The following PLS1 variants were observed in gnomAD, a reference collection of about 807,000 sequenced individuals.
The protein encoded by PLS1 is plastin-1.
A neutral mutation model predicts 73.7 loss-of-function variants in PLS1; 32 were observed. The ratio of observed to expected loss-of-function variants is 0.43; its 90% CI spans 0.33 to 0.58. The LOEUF is 0.58. Ranked by LOEUF, PLS1 falls within the 20% of genes least tolerant of loss-of-function variation. The probability of loss-of-function intolerance (pLI) is 0.04; values close to 1 mark genes in which losing one functional copy is unlikely to be tolerated. For missense variants in PLS1, 633 were observed against 740.5 expected, an observed-to-expected ratio of 0.85 and a Z score of 1.68; for synonymous variants, 217 against 261.3, an observed-to-expected ratio of 0.83 and a Z score of 1.63.
intron 1 of PLS1, among the ~76,000 whole-genome samples, chr3:142,603,447 T>C (rs138490643): frequency 9.3e-4 from 142 of 152,298 alleles, no homozygotes; most frequent in African/African-American, 2.9e-3. Flanking sequence ...ATAAACTAAA[T>C]TTTATGATTG....
chr3:142,705,849 T>C (rs945147885), intron 14 of PLS1, among the ~76,000 whole-genome samples: 6 of 152,220 alleles, frequency 3.9e-5, no homozygotes, highest in South Asian at 2.1e-4. Context: ...CCTAGTTCAA[T>C]TGATTTCCAC....
At chr3:142,711,181 T>G (rs1279802898) in intron 14 of PLS1, among the ~76,000 whole-genome samples, 6 of 152,172 alleles carry the variant, frequency 3.9e-5, no homozygotes, top group African/African-American at 1.2e-4. Flanking sequence ...TTTATAAAAT[T>G]GTTAATTAAA....
chr3:142,709,263 T>C (rs916956182), intron 14 of PLS1, among the ~76,000 whole-genome samples: 1 of 152,176 alleles, frequency 6.6e-6, no homozygotes, highest in Admixed American at 6.5e-5. Context: ...TTTTAACAAA[T>C]ACCCCACATG....
intron 1 of PLS1, among the ~76,000 whole-genome samples, chr3:142,649,961 G>A (rs1291534075): frequency 6.6e-6 from 1 of 152,058 alleles, no homozygotes; most frequent in Non-Finnish European, 1.5e-5. Context: ...CATCCTTTGA[G>A]GAAGTGACTT....
chr3:142,710,025 T>C (rs1275096555), intron 14 of PLS1, among the ~76,000 whole-genome samples: 2 of 151,954 alleles, frequency 1.3e-5, no homozygotes, highest in African/African-American at 2.4e-5. Flanking sequence ...TAGGAAAGGG[T>C]GCTCTGGCTT....
At chr3:142,632,193 TATACAC>T (rs1386584106) in intron 1 of PLS1, among the ~76,000 whole-genome samples, 1 of 152,084 alleles carries the variant, frequency 6.6e-6, no homozygotes, top group East Asian at 1.9e-4. Context: ...ATGCAAAAAT[TATACAC>T]ATTCAGTACA....
intron 12 of PLS1, 111 bp from the exon 13 acceptor site, chr3:142,703,757 T>C: frequency 3.2e-6 from 2 of 632,678 alleles, no homozygotes; most frequent in African/African-American, 1.8e-5. Flanking sequence ...ATTGGTCATA[T>C]AAATTTAAGG....
rs182100545 is a variant in PLS1 at position 142,706,358 on chromosome 3, A to G, written c.1629+1772A>G. ...AATGGTCAGTGAAGAGCCGATAAAG[A>G]CAGCTGGATTTGAACATCATAGATG... is the stretch of plus-strand genomic sequence containing the variant. On this transcript the variant is annotated intron_variant, in intron 14 of 15. Transcript: ENST00000457734. Among the ~76,000 whole-genome samples the G allele has an allele frequency of 2.6e-5, 4 of 152,310 alleles. No individual in the cohort carries two copies. The East Asian group carries it at 7.7e-4, about 29-fold the overall frequency.
At chr3:142,644,116 C>G (rs1310768272) in intron 1 of PLS1, among the ~76,000 whole-genome samples, 1 of 152,182 alleles carries the variant, frequency 6.6e-6, no homozygotes, top group East Asian at 1.9e-4. Context: ...GTGTGAGCCA[C>G]TGCATCTGAC....
rs569458566 is a variant in PLS1 at position 142,682,786 on chromosome 3, A to T, written c.580-1220A>T. On this transcript the variant is annotated intron_variant, in intron 6 of 15. Transcript: ENST00000457734. The stretch of plus-strand genomic sequence containing the variant: ...TAACTTAAAAAACATTTGAAGCAGG[A>T]GTGTTAATTAAAAACACCTGAAGTT... 2.0e-5 allele frequency among the ~76,000 whole-genome samples: 3 copies of T among 152,338 alleles called. No individual in the cohort carries two copies. In the South Asian group the frequency reaches 6.2e-4, roughly 32 times the overall value.
chr3:142,697,278 TG>T (rs2038229969), intron 11 of PLS1, among the ~76,000 whole-genome samples: 1 of 152,206 alleles, frequency 6.6e-6, no homozygotes, highest in Non-Finnish European at 1.5e-5. Flanking sequence ...CACAAACAGC[TG>T]CCTACTGAGT....
intron 6 of PLS1, 101 bp from the exon 7 acceptor site, chr3:142,683,905 A>G: frequency 1.3e-6 from 1 of 759,572 alleles, no homozygotes; most frequent in Non-Finnish European, 2.1e-6. Flanking sequence ...TTATGTTTAT[A>G]AATCTGAAAT....
At chr3:142,638,892 C>A (rs1014900782) in intron 1 of PLS1, among the ~76,000 whole-genome samples, 1 of 152,036 alleles carries the variant, frequency 6.6e-6, no homozygotes, top group Non-Finnish European at 1.5e-5. Context: ...TAGGCATCCA[C>A]CGCCACGCCT....
At chr3:142,631,028 C>T (rs927087521) in intron 1 of PLS1, among the ~76,000 whole-genome samples, 6 of 150,974 alleles carry the variant, frequency 4.0e-5, no homozygotes, top group Admixed American at 3.3e-4. Flanking sequence ...TACGATGGGG[C>T]AGAGACAGTC....
At chr3:142,666,824 G>C (rs1444642344) in intron 2 of PLS1, among the ~76,000 whole-genome samples, 1 of 152,068 alleles carries the variant, frequency 6.6e-6, no homozygotes, top group Non-Finnish European at 1.5e-5. Flanking sequence ...TGTTCTTTTG[G>C]ATAATAAGCA....
intron 13 of PLS1, 22 bp downstream of exon 13, chr3:142,704,023 G>C (rs1242162783): frequency 1.2e-6 from 2 of 1,606,540 alleles, no homozygotes; most frequent in African/African-American, 2.7e-5. Context: ...TATGTTGGTA[G>C]CAACACTGCC....
At chr3:142,631,811 A>G (rs1425302047) in intron 1 of PLS1, among the ~76,000 whole-genome samples, 2 of 152,142 alleles carry the variant, frequency 1.3e-5, no homozygotes, top group African/African-American at 4.8e-5. Flanking sequence ...GAATTTGGCA[A>G]TGATTTCTTG....
chr3:142,711,805 T>A (rs1166804891), intron 15 of PLS1, 67 bp from the exon 16 acceptor site: 4 of 1,535,740 alleles, frequency 2.6e-6, no homozygotes, highest in Non-Finnish European at 3.6e-6. Flanking sequence ...TATTTCACTC[T>A]TTTGTTAAAA....
chr3:142,599,132 A>G (rs970019427), intron 1 of PLS1, among the ~76,000 whole-genome samples: 2 of 151,932 alleles, frequency 1.3e-5, no homozygotes, highest in East Asian at 3.9e-4. Context: ...TACCTGGCAC[A>G]TTGCTTTGCA....
Sources: allele counts gnomAD v4.1 joint callset (sites outside exome capture counted in the v4.1 genomes callset), GRCh38; gene constraint gnomAD v4.1.1; transcripts MANE v1.5; gene names NCBI Gene and HGNC (gene_info 2026-07-23, HGNC 2026-07-21).